ZNF729: variants seen among roughly 807,000 people sequenced by gnomAD.
ZNF729 encodes the protein zinc finger protein 729.
In ZNF729, 15 loss-of-function variants were observed where a neutral mutation model predicts 12.2. The observed-to-expected ratio is 1.23, with a 90% confidence interval of 0.82 to 1.89. ZNF729 has a LOEUF of 1.89. Among genes scored for constraint, ZNF729 ranks in the 40% most tolerant of loss-of-function variants. The pLI is 0.00. For synonymous variants in ZNF729, 492 were observed against 476.3 expected (o/e 1.03, Z -0.43); for missense variants, 1,540 against 1,456.7 (o/e 1.06, Z -0.93).
intron 3 of ZNF729, among the ~76,000 whole-genome samples, chr19:22,308,137 T>TA (rs1968408357): frequency 6.6e-6 from 1 of 151,412 alleles, no homozygotes; most frequent in Non-Finnish European, 1.5e-5. Context: ...ATTTCTGAGT[T>TA]ACTTCACTTA....
chr19:22,313,613 A>C, intron 3 of ZNF729, 58 bp from the exon 4 acceptor site: 1 of 1,372,378 alleles, frequency 7.3e-7, no homozygotes, highest in Non-Finnish European at 9.5e-7. Context: ...TTAGATTTGT[A>C]AAGTATATTC....
At chr19:22,313,166 C>G (rs1388610178) in intron 3 of ZNF729, among the ~76,000 whole-genome samples, 1 of 151,978 alleles carries the variant, frequency 6.6e-6, no homozygotes, top group East Asian at 1.9e-4. Context: ...AAGTGATTGC[C>G]TCAGCCTCCC....
chr19:22,309,243 G>A (rs927433358), intron 3 of ZNF729, among the ~76,000 whole-genome samples: 16 of 152,056 alleles, frequency 1.1e-4, no homozygotes, highest in African/African-American at 3.1e-4. Context: ...TCAGGAGTTC[G>A]AGACCAGGCT....
At chr19:22,305,510 T>C (rs1968367353) in intron 3 of ZNF729, among the ~76,000 whole-genome samples, 2 of 152,166 alleles carry the variant, frequency 1.3e-5, no homozygotes, top group South Asian at 2.1e-4. Context: ...CCTGTTGTTA[T>C]ACCTACCTGT....
Position 22,309,337 on chromosome 19 carries a change from C to T in ZNF729, c.254-4334C>T, listed in dbSNP as rs533303067. ...GTGGGTGCCTGTAATCCCAGCTACT[C>T]GGGAGGCTGAGGCAGGAGAATTGCT... On this transcript the variant is annotated intron_variant, in intron 3 of 3. Coordinates refer to ENST00000601693, the MANE Select transcript of ZNF729 (RefSeq NM_001242680.2). Among the ~76,000 whole-genome samples, 8 of 152,052 alleles carry T rather than the reference C, an allele frequency of 5.3e-5. No individual in the cohort carries two copies. In the East Asian group the frequency reaches 1.2e-3, roughly 22 times the overall value.
At chr19:22,312,220 A>G (rs933221763) in intron 3 of ZNF729, among the ~76,000 whole-genome samples, 3 of 152,024 alleles carry the variant, frequency 2.0e-5, no homozygotes, top group African/African-American at 7.2e-5. Flanking sequence ...TCATTGTTTT[A>G]TGGTTGCTTT....
intron 3 of ZNF729, among the ~76,000 whole-genome samples, chr19:22,310,763 T>C (rs1968441116): frequency 6.6e-6 from 1 of 152,148 alleles, no homozygotes; most frequent in South Asian, 2.1e-4. Context: ...ATAGTGTCAA[T>C]AGCATTGCTA....
At position 22,316,529 on chromosome 19, in the gene ZNF729, CATAAG is replaced by C. The variant is rs1968544947; in HGVS notation, c.3117_3121del (p.Lys1039AsnfsTer11). On this transcript the variant is annotated frameshift_variant, in exon 4 of 4. Transcript: ENST00000601693. LOFTEE classifies it low-confidence loss of function (END_TRUNC). ...TAACAATTTCTCAGCCCTTATGAAACATAAGATAATTCATACTGGGGAGAAACCCT... is the reference window on the plus strand; with the variant it reads ...TAACAATTTCTCAGCCCTTATGAAACATAATTCATACTGGGGAGAAACCCT... 2 of 1,613,536 alleles carry C rather than the reference CATAAG, an allele frequency of 1.2e-6. No individual in the cohort carries two copies. The highest frequency in any genetic ancestry group is 1.3e-5 in the African/African-American group (1 of 74,876).
chr19:22,316,622 A>G lies in ZNF729; in HGVS notation c.3205A>G (p.Ile1069Val), dbSNP rs374040212. ...CTCAAAACTTACTGAACATAAGGTAATTCATACTGGAGAGAAACCCTGCAA... is the reference window on the plus strand; with the variant it reads ...CTCAAAACTTACTGAACATAAGGTAGTTCATACTGGAGAGAAACCCTGCAA... ...WSSKLTEHKV[I>V]HTGEKPCKCE... The change falls in exon 4 of 4, where the codon ATT becomes GTT. Residue 1069 changes from isoleucine (I) to valine (V), a missense_variant. Transcript: ENST00000601693. The G allele has an allele frequency of 6.2e-6, 10 of 1,612,992 alleles. No individual in the cohort carries two copies. The East Asian group carries it at 1.8e-4, about 29-fold the overall frequency.
chr19:22,311,917 G>T (rs1219174461), intron 3 of ZNF729, among the ~76,000 whole-genome samples: 3 of 151,994 alleles, frequency 2.0e-5, no homozygotes, highest in Non-Finnish European at 4.4e-5. Context: ...TGTTCCTGTT[G>T]TACAAGACCT....
intron 3 of ZNF729, among the ~76,000 whole-genome samples, chr19:22,312,829 T>G (rs1284174122): frequency 5.9e-5 from 9 of 152,156 alleles, no homozygotes; most frequent in Non-Finnish European, 1.2e-4. Flanking sequence ...TTCTCCTGCC[T>G]CAACCTCCCT....
At chr19:22,312,525 C>G (rs1395545860) in intron 3 of ZNF729, among the ~76,000 whole-genome samples, 1 of 150,712 alleles carries the variant, frequency 6.6e-6, no homozygotes, top group East Asian at 2.0e-4. Context: ...TAATCACTTG[C>G]TACATCTATT....
chr19:22,300,456 A>T (rs1234080858), intron 1 of ZNF729, among the ~76,000 whole-genome samples: 1 of 152,222 alleles, frequency 6.6e-6, no homozygotes, highest in Non-Finnish European at 1.5e-5. Flanking sequence ...TTTCACAAAA[A>T]CTGTCTAGAA....
At chr19:22,293,468 GAGCCACCACTCCT>G (rs1394426766) in intron 1 of ZNF729, among the ~76,000 whole-genome samples, 5 of 140,438 alleles carry the variant, frequency 3.6e-5, no homozygotes, top group Non-Finnish European at 7.6e-5. Flanking sequence ...TTACAGGCGT[GAGCCACCACTCCT>G]AGCCTTTTGT....
chr19:22,316,920 C>A lies in ZNF729; in HGVS notation c.3503C>A (p.Ala1168Asp). The change falls in exon 4 of 4, where the codon GCC (alanine) becomes GAC (aspartate). Residue 1168 changes from alanine (A) to aspartate (D), a missense_variant. Physicochemically the swap from Ala to Asp is moderately radical, Grantham distance 126. Transcript: ENST00000601693. ...KPYKCEECGK[A>D]FNQSSHLTRH... ...TACAAATGTGAAGAATGTGGCAAAG[C>A]CTTTAACCAGTCCTCACACCTTACT... The A allele has an allele frequency of 6.2e-7, 1 of 1,613,038 alleles. No homozygotes were observed.
chr19:22,316,967 G>A lies in ZNF729; in HGVS notation c.3550G>A (p.Gly1184Arg), dbSNP rs771075534. 2.5e-6 allele frequency: 4 copies of A among 1,612,804 alleles called. No individual in the cohort carries two copies. Among genetic ancestry groups the A allele is most frequent in the Non-Finnish European group, 3.4e-6 (4 of 1,179,942 alleles). ...TACTAGACACAAAACAATTCATACT[G>A]GAGAGAAACCCTACAAATGTGAAGA... Reference protein sequence around the residue: ...HLTRHKTIHTGEKPYKCEECG... With the variant: ...HLTRHKTIHTREKPYKCEECG... Residue 1184 changes from glycine to arginine, a missense_variant, in exon 4 of 4, where the codon GGA becomes AGA. Physicochemically the swap from Gly to Arg is moderately radical, Grantham distance 125. Coordinates refer to ENST00000601693, the MANE Select transcript of ZNF729 (RefSeq NM_001242680.2).
intron 3 of ZNF729, among the ~76,000 whole-genome samples, chr19:22,305,317 T>A (rs1432660867): frequency 1.3e-5 from 2 of 152,196 alleles, no homozygotes; most frequent in African/African-American, 4.8e-5. Flanking sequence ...TTATCTACTC[T>A]CAGATATTTT....
At position 22,303,841 on chromosome 19, in the gene ZNF729, T is replaced by C; in HGVS notation, c.114T>C (p.Tyr38=). The change falls in exon 2 of 4, where the codon TAT becomes TAC. Residue 38 remains tyrosine, a synonymous_variant. Transcript: ENST00000601693. ...TGGACACGGTTCAGCAGAATTTATA[T>C]AGGGATGTGATGTTAGAGAACTACA... ...QCLDTVQQNL[Y]RDVMLENYRN... 3 of 1,574,700 alleles carry C rather than the reference T, an allele frequency of 1.9e-6. No individual in the cohort carries two copies. Among genetic ancestry groups the C allele is most frequent in the Non-Finnish European group, 2.6e-6 (3 of 1,155,552 alleles).
At chr19:22,309,101 C>A (rs562139205) in intron 3 of ZNF729, among the ~76,000 whole-genome samples, 2 of 152,222 alleles carry the variant, frequency 1.3e-5, no homozygotes, top group South Asian at 4.1e-4. Flanking sequence ...AGATGAGGAT[C>A]CAGTTTTATT....
Sources: gnomAD v4.1 joint callset for allele counts (sites outside exome capture counted in the v4.1 genomes callset) on GRCh38, gnomAD v4.1.1 for gene constraint, MANE v1.5 for transcripts, NCBI Gene and HGNC (gene_info 2026-07-23, HGNC 2026-07-21) for gene names.